DENND1B: variants seen among roughly 807,000 people sequenced by gnomAD.
DENND1B encodes the protein DENN domain containing 1B, also known as DENN domain-containing protein 1B.
DENND1B carries 59 observed loss-of-function variants against 90.1 expected under a neutral mutation model. The observed-to-expected ratio is 0.65, with a 90% CI of 0.53 to 0.81. The LOEUF is 0.81. DENND1B is among the 40% of genes least tolerant of loss of function. The pLI is 0.00. For missense variants in DENND1B, 862 were observed against 912.6 expected (o/e 0.94, Z 0.71); for synonymous variants, 337 against 324.6 (o/e 1.04, Z -0.41).
chr1:197,525,260 T>C (rs912435261), intron 20 of DENND1B, among the ~76,000 whole-genome samples: 6 of 152,158 alleles, frequency 3.9e-5, no homozygotes, highest in Non-Finnish European at 7.4e-5. Context: ...TATTTTTTTC[T>C]GGTCTTTAAT....
At chr1:197,758,276 T>G (rs1654561945) in intron 2 of DENND1B, among the ~76,000 whole-genome samples, 2 of 152,224 alleles carry the variant, frequency 1.3e-5, no homozygotes, top group Admixed American at 1.3e-4. Flanking sequence ...CTGACACTTC[T>G]GCAATATTAA....
chr1:197,738,545 C>T (rs545583512), intron 2 of DENND1B, among the ~76,000 whole-genome samples: 2 of 152,288 alleles, frequency 1.3e-5, no homozygotes, highest in South Asian at 2.1e-4. Flanking sequence ...GATGCTGATG[C>T]AGAATCACTT....
chr1:197,516,021 A>G (rs117699315), intron 20 of DENND1B, among the ~76,000 whole-genome samples: 2 of 151,866 alleles, frequency 1.3e-5, no homozygotes, highest in East Asian at 1.9e-4. Context: ...TCAAACATCT[A>G]CGTCATGATA....
At chr1:197,691,178 C>G (rs1384100596) in intron 3 of DENND1B, among the ~76,000 whole-genome samples, 1 of 150,520 alleles carries the variant, frequency 6.6e-6, no homozygotes, top group Non-Finnish European at 1.5e-5. Flanking sequence ...CAACCTATAA[C>G]ATCTAAGAAA....
At chr1:197,592,108 C>CAAAAAAAAAAAA (rs71286564) in intron 14 of DENND1B, among the ~76,000 whole-genome samples, 1 of 55,816 alleles carries the variant, frequency 1.8e-5, no homozygotes, top group Non-Finnish European at 3.0e-5. Flanking sequence ...GATTCCATCT[C>CAAAAAAAAAAAA]AAAAAAAAAA....
intron 2 of DENND1B, among the ~76,000 whole-genome samples, chr1:197,728,736 C>T (rs1747816): frequency 1 from 151,808 of 152,302 alleles, 75,657 homozygotes; most frequent in Middle Eastern, 1. Context: ...CTTAAGAGTT[C>T]TTATTATTCC....
intron 2 of DENND1B, among the ~76,000 whole-genome samples, chr1:197,730,837 A>T (rs2102315623): frequency 6.6e-6 from 1 of 152,238 alleles, no homozygotes; most frequent in Non-Finnish European, 1.5e-5. Flanking sequence ...TAAGTTAGAC[A>T]CAAGTTGTTT....
intron 3 of DENND1B, 29 bp from the exon 4 acceptor site, chr1:197,674,198 A>G: frequency 1.3e-6 from 2 of 1,519,026 alleles, no homozygotes; most frequent in Non-Finnish European, 1.8e-6. Context: ...AAAAAAAGAA[A>G]TAAGTTTTAG....
Position 197,553,116 on chromosome 1 carries a change from G to A in DENND1B, c.1150-4C>T, listed in dbSNP as rs777790626. On this transcript the variant is annotated splice_region_variant and splice_polypyrimidine_tract_variant and intron_variant, in intron 15 of 22. Transcript: ENST00000620048. ...TTGCCAGTCGACCATCGATAAACTA[G>A]AATTAAAAAGTGTCAAATAAAATGT... 6.0e-6 allele frequency: 9 copies of A among 1,512,144 alleles called. No homozygotes were observed. In the East Asian group the frequency reaches 7.4e-5, roughly 12 times the overall value. The allele number at this position is 1,512,144 out of a possible 1,614,324, so 93.7% of individuals were successfully genotyped here. A position where few individuals can be genotyped will look rare whatever the true frequency, so the allele number is the denominator to read the frequency against.
intron 5 of DENND1B, among the ~76,000 whole-genome samples, chr1:197,671,634 G>A (rs1354882066): frequency 6.6e-6 from 1 of 151,972 alleles, no homozygotes; most frequent in Non-Finnish European, 1.5e-5. Flanking sequence ...CTTCTACCAG[G>A]TTCATCAGTT....
chr1:197,620,423 TTAAAA>T (rs750649730), intron 10 of DENND1B, among the ~76,000 whole-genome samples: 117 of 151,448 alleles, frequency 7.7e-4, no homozygotes, highest in Non-Finnish European at 1.5e-3. Context: ...TTTCTGATCT[TTAAAA>T]TAAGAACTCT....
At position 197,762,720 on chromosome 1, in the gene DENND1B, C is replaced by G. The variant is rs1440151432; in HGVS notation, c.82+10148G>C. Among the ~76,000 whole-genome samples the G allele has an allele frequency of 2.0e-5, 3 of 152,200 alleles. No homozygotes were observed. In the East Asian group the frequency reaches 5.8e-4, roughly 29 times the overall value. On this transcript the variant is annotated intron_variant, in intron 2 of 22. Transcript: ENST00000620048. ...TGCCTCATTTCCTCTACCCCCACCC[C>G]ACCCATGGTAACCACTGTTTCATTC...
chr1:197,554,832 CAAA>C (rs11440581), intron 15 of DENND1B, among the ~76,000 whole-genome samples: 17 of 69,390 alleles, frequency 2.4e-4, no homozygotes, highest in African/African-American at 1.1e-3. Context: ...GACTCCATCT[CAAA>C]AAAAAAAAAA....
chr1:197,690,585 A>G (rs930963815), intron 3 of DENND1B: 9 of 240,912 alleles, frequency 3.7e-5, no homozygotes, highest in Non-Finnish European at 6.5e-5. Context: ...GAGGGCTGCT[A>G]GAGTTGGGAA....
At chr1:197,730,848 A>C (rs1474846280) in intron 2 of DENND1B, among the ~76,000 whole-genome samples, 1 of 152,110 alleles carries the variant, frequency 6.6e-6, no homozygotes, top group African/African-American at 2.4e-5. Context: ...CAAGTTGTTT[A>C]ATCAGAATTG....
chr1:197,675,972 C>T (rs547078479), intron 3 of DENND1B, among the ~76,000 whole-genome samples: 3 of 151,676 alleles, frequency 2.0e-5, no homozygotes, highest in Admixed American at 2.0e-4. Flanking sequence ...AGCCTCAGCT[C>T]GCTTCCCAAC....
chr1:197,578,828 T>TA (rs1261884758), intron 15 of DENND1B, among the ~76,000 whole-genome samples: 1 of 151,688 alleles, frequency 6.6e-6, no homozygotes, highest in Non-Finnish European at 1.5e-5. Flanking sequence ...CCCTAAAACT[T>TA]AAAGTATAAT....
chr1:197,701,612 A>G (rs1219238868), intron 3 of DENND1B, among the ~76,000 whole-genome samples: 1 of 152,060 alleles, frequency 6.6e-6, no homozygotes, highest in African/African-American at 2.4e-5. Flanking sequence ...GAGAAAAGCC[A>G]GAACAGCTCA....
chr1:197,723,947 G>A (rs1661412140), intron 2 of DENND1B, among the ~76,000 whole-genome samples: 1 of 152,088 alleles, frequency 6.6e-6, no homozygotes, highest in African/African-American at 2.4e-5. Context: ...TGAAACTTCA[G>A]AATGTAAAAT....
Sources: allele counts gnomAD v4.1 joint callset (sites outside exome capture counted in the v4.1 genomes callset), GRCh38; gene constraint gnomAD v4.1.1; transcripts MANE v1.5; gene names NCBI Gene and HGNC (gene_info 2026-07-23, HGNC 2026-07-21).